NSD3: variants seen among roughly 807,000 people sequenced by gnomAD.
The protein encoded by NSD3 is histone-lysine N-methyltransferase NSD3.
In NSD3, 24 loss-of-function variants were observed where a neutral mutation model predicts 160.8. That is an observed-to-expected ratio of 0.15 (90% CI 0.11 to 0.21). The LOEUF (loss-of-function observed/expected upper bound fraction) is 0.21. Among genes scored for constraint, NSD3 ranks in the 10% least tolerant of loss-of-function variants. NSD3 has a pLI of 1.00. For synonymous variants in NSD3, 520 were observed against 600.0 expected, an observed-to-expected ratio of 0.87 and a Z score of 1.95; for missense variants, 1,157 against 1,735.9, an observed-to-expected ratio of 0.67 and a Z score of 5.93.
chr8:38,331,030 T>A (rs1179107338), intron 5 of NSD3, among the ~76,000 whole-genome samples: 2 of 152,222 alleles, frequency 1.3e-5, no homozygotes, highest in African/African-American at 4.8e-5. Context: ...ACTCATTAAA[T>A]ATTTTTAAAA....
intron 4 of NSD3, among the ~76,000 whole-genome samples, chr8:38,333,999 T>C (rs1172218759): frequency 2.0e-5 from 3 of 152,266 alleles, no homozygotes; most frequent in Non-Finnish European, 4.4e-5. Context: ...CTCATTTCTC[T>C]GGGTATCTCC....
intron 2 of NSD3, among the ~76,000 whole-genome samples, chr8:38,344,060 C>G (rs945813942): frequency 6.6e-6 from 1 of 152,152 alleles, no homozygotes; most frequent in Admixed American, 6.5e-5. Flanking sequence ...ACAGCTCATG[C>G]AGATTTTTAA....
intron 1 of NSD3, among the ~76,000 whole-genome samples, chr8:38,354,281 G>A (rs1810770723): frequency 6.6e-6 from 1 of 152,184 alleles, no homozygotes; most frequent in Non-Finnish European, 1.5e-5. Flanking sequence ...TCTTCAAAGA[G>A]GCTAATGTCT....
At chr8:38,338,350 C>T (rs1810276020) in intron 3 of NSD3, among the ~76,000 whole-genome samples, 186 bp downstream of exon 3, 1 of 149,946 alleles carries the variant, frequency 6.7e-6, no homozygotes, top group Non-Finnish European at 1.5e-5. Context: ...AAAAACAGGT[C>T]ATAGTTTTGA....
At chr8:38,367,182 T>C (rs1375642772) in intron 1 of NSD3, among the ~76,000 whole-genome samples, 1 of 152,130 alleles carries the variant, frequency 6.6e-6, no homozygotes, top group Non-Finnish European at 1.5e-5. Context: ...CTTAGAGTCA[T>C]AAGACTTGAA....
At chr8:38,360,851 AT>A (rs1281935514) in intron 1 of NSD3, among the ~76,000 whole-genome samples, 1 of 152,242 alleles carries the variant, frequency 6.6e-6, no homozygotes, top group Non-Finnish European at 1.5e-5. Flanking sequence ...CCATTTTTGT[AT>A]AATTACTAAC....
chr8:38,298,726 T>C (rs1809213590), intron 15 of NSD3, among the ~76,000 whole-genome samples: 1 of 152,214 alleles, frequency 6.6e-6, no homozygotes. Flanking sequence ...ATCATTTTTA[T>C]AACAGGTAGG....
At chr8:38,356,009 A>G (rs184995704) in intron 1 of NSD3, among the ~76,000 whole-genome samples, 23 of 152,266 alleles carry the variant, frequency 1.5e-4, no homozygotes, top group Admixed American at 1.0e-3. Flanking sequence ...CACAATCCCT[A>G]AATATGTAAA....
intron 14 of NSD3, among the ~76,000 whole-genome samples, chr8:38,301,138 T>C (rs1809266330): frequency 6.6e-6 from 1 of 152,032 alleles, no homozygotes; most frequent in Admixed American, 6.6e-5. Context: ...CCTGGCTACG[T>C]TTTTGATTTT....
In NSD3 at chr8:38,319,815, G is replaced by A. The variant is rs578018330; in HGVS notation, c.1810-875C>T. ...AGGTAAAAAAACATACAACAGAAAC[G>A]CTTTTATAAGATACAATTAGTAATA... On this transcript the variant is annotated intron_variant, in intron 8 of 23. Transcript: ENST00000317025. This position sits in a 1 kb window ranked among gnomAD's most constrained non-coding sequence, Gnocchi z 4.1. The A allele has an allele frequency of 7.2e-5, 11 of 151,864 alleles. No homozygotes were observed. In the South Asian group the frequency reaches 2.1e-3, roughly 29 times the overall value. The allele number at this position is 151,864 out of a possible 1,614,324, so 9.4% of individuals were successfully genotyped here.
At chr8:38,349,669 A>T (rs952996590) in intron 1 of NSD3, among the ~76,000 whole-genome samples, 4 of 109,342 alleles carry the variant, frequency 3.7e-5, no homozygotes, top group Non-Finnish European at 6.0e-5. Flanking sequence ...CTTTCTTTAT[A>T]TATATATATA....
rs1809740431 is a variant in NSD3, at chr8:38,319,154, C to T, written c.1810-214G>A. 1 of 522,388 alleles carries T rather than the reference C, an allele frequency of 1.9e-6. No individual in the cohort carries two copies. The highest frequency in any genetic ancestry group is 3.4e-6 in the Non-Finnish European group (1 of 292,842). The allele number at this position is 522,388 out of a possible 1,614,324, so 32.4% of individuals were successfully genotyped here. A position where few individuals can be genotyped will look rare whatever the true frequency, so the allele number is the denominator to read the frequency against. On this transcript the variant is annotated intron_variant, in intron 8 of 23. Coordinates refer to ENST00000317025, the MANE Select transcript of NSD3 (RefSeq NM_023034.2). The surrounding 1 kb of genome is among the most constrained non-coding windows in gnomAD (Gnocchi z 4.1). Reference sequence around the variant, plus strand: ...CTGTGCTGAATATCAAGTGACAACACACAGCCACATGCTCTCTAGCAAAGA... The same window carrying T: ...CTGTGCTGAATATCAAGTGACAACATACAGCCACATGCTCTCTAGCAAAGA...
chr8:38,347,356 T>C (rs547742473), intron 2 of NSD3, 141 bp downstream of exon 2: 15 of 835,802 alleles, frequency 1.8e-5, no homozygotes, highest in African/African-American at 3.4e-5. Flanking sequence ...GCACCTATTA[T>C]AATATTCTGA....
At chr8:38,279,763 G>A in intron 20 of NSD3, 82 bp from the exon 21 acceptor site, 1 of 1,458,902 alleles carries the variant, frequency 6.9e-7, no homozygotes, top group Non-Finnish European at 9.2e-7. Context: ...ATCACAGGCA[G>A]CAGCATTTTG....
intron 14 of NSD3, 104 bp from the exon 15 acceptor site, chr8:38,299,694 G>A (rs762207102): frequency 9.8e-5 from 114 of 1,162,414 alleles, no homozygotes; most frequent in Non-Finnish European, 1.2e-4. Context: ...AAGCTGGGGT[G>A]GGGAGGGCGA....
chr8:38,363,398 C>T (rs572761821), intron 1 of NSD3, among the ~76,000 whole-genome samples: 1 of 152,112 alleles, frequency 6.6e-6, no homozygotes, highest in Non-Finnish European at 1.5e-5. Context: ...AATCCCAGCA[C>T]TTTGGGAGGC....
intron 23 of NSD3, 21 bp from the exon 24 acceptor site, chr8:38,275,903 G>A (rs1808589909): frequency 1.2e-6 from 2 of 1,605,386 alleles, no homozygotes; most frequent in Non-Finnish European, 1.7e-6. Flanking sequence ...GAGATGGGGA[G>A]GAAGAAGGAG....
At chr8:38,334,080 C>T (rs1025532022) in intron 4 of NSD3, among the ~76,000 whole-genome samples, 8 of 152,082 alleles carry the variant, frequency 5.3e-5, no homozygotes, top group African/African-American at 1.7e-4. Context: ...AGGCATCATG[C>T]GTGGAACATA....
intron 12 of NSD3, 116 bp from the exon 13 acceptor site, chr8:38,305,561 G>T: frequency 1.2e-6 from 1 of 858,578 alleles, no homozygotes. Flanking sequence ...CTATACTTAA[G>T]AATTTAATGC....
Sources: allele counts gnomAD v4.1 joint callset (sites outside exome capture counted in the v4.1 genomes callset), GRCh38; gene constraint gnomAD v4.1.1; non-coding constraint Gnocchi (gnomAD v3.1); transcripts MANE v1.5; gene names NCBI Gene and HGNC (gene_info 2026-07-23, HGNC 2026-07-21).